The following SBF2 variants were observed in gnomAD, a reference collection of about 807,000 sequenced individuals.
SBF2 encodes the protein SET binding factor 2.
In SBF2, 112 loss-of-function variants were observed where a neutral mutation model predicts 225.2. The observed-to-expected ratio is 0.50, with a 90% confidence interval of 0.43 to 0.58. SBF2 has a LOEUF of 0.58. Ranked by LOEUF, SBF2 falls within the 20% of genes least tolerant of loss-of-function variation. The pLI, the probability that SBF2 is intolerant of heterozygous loss-of-function variation, is 0.00. For missense variants in SBF2, 1,996 were observed against 2,206.2 expected, an observed-to-expected ratio of 0.90 and a Z score of 1.91; for synonymous variants, 763 against 773.3, an observed-to-expected ratio of 0.99 and a Z score of 0.22.
At position 10,029,786 on chromosome 11, in the gene SBF2, G is replaced by A; in HGVS notation, c.492C>T (p.Val164=). ...TTACCTGAGACCCTCCAGCCGCTGG[G>A]ACAAGGCAGGCACAAAGGTTTGCAA... ...SLIANLCACL[V]PAAGGSQKLF... Residue 164 remains valine (V), a synonymous_variant, in exon 5 of 40, where the codon GTC becomes GTT. Transcript: ENST00000256190. 1 of 1,613,074 alleles carries A rather than the reference G, an allele frequency of 6.2e-7. No individual in the cohort carries two copies. Among genetic ancestry groups the A allele is most frequent in the South Asian group, 1.1e-5 (1 of 91,064 alleles).
At chr11:9,845,819 A>G (rs541568881) in intron 23 of SBF2, 79 bp from the exon 24 acceptor site, 4 of 1,350,166 alleles carry the variant, frequency 3.0e-6, no homozygotes, top group Non-Finnish European at 4.3e-6. Flanking sequence ...AGAATATAAT[A>G]ACACAAAATG....
At chr11:10,170,869 C>A (rs1422919533) in intron 2 of SBF2, among the ~76,000 whole-genome samples, 1 of 151,550 alleles carries the variant, frequency 6.6e-6, no homozygotes, top group Non-Finnish European at 1.5e-5. Context: ...TCTTTCACTT[C>A]TTTGGTTAAT....
chr11:9,946,753 G>A (rs61876974), intron 16 of SBF2, among the ~76,000 whole-genome samples: 17,190 of 152,126 alleles, frequency 0.11, 1,097 homozygotes, highest in Non-Finnish European at 0.13. Flanking sequence ...CCTGGCCTAT[G>A]TTTCTATTAA....
chr11:9,955,851 G>A (rs1427709739), intron 16 of SBF2, among the ~76,000 whole-genome samples: 1 of 144,470 alleles, frequency 6.9e-6, no homozygotes, highest in African/African-American at 2.5e-5. Context: ...TAAATATTTT[G>A]TTTCTTATTA....
At chr11:9,838,360 A>G (rs1450384088) in intron 26 of SBF2, 1 of 152,208 alleles carries the variant, frequency 6.6e-6, no homozygotes, top group Non-Finnish European at 1.5e-5. Context: ...TTGGAATGAT[A>G]AATGAGTCTG....
chr11:9,962,332 T>C (rs553621489), intron 15 of SBF2, among the ~76,000 whole-genome samples: 41 of 152,358 alleles, frequency 2.7e-4, no homozygotes, highest in African/African-American at 9.6e-4. Flanking sequence ...AATTATGTGA[T>C]AAATTGAAAA....
At chr11:9,792,939 G>T (rs867928809) in intron 33 of SBF2, among the ~76,000 whole-genome samples, 55 of 121,198 alleles carry the variant, frequency 4.5e-4, no homozygotes, top group South Asian at 8.0e-4. Flanking sequence ...GTGTGTGTGT[G>T]TTTTTTTTTT....
At chr11:9,999,279 CTGTATGTATGTATGTATGTATGTA>C (rs3073236) in intron 8 of SBF2, among the ~76,000 whole-genome samples, 6 of 146,754 alleles carry the variant, frequency 4.1e-5, no homozygotes, top group South Asian at 2.2e-4. Flanking sequence ...CCTCCAGTGA[CTGTATGTATGTATGTATGTATGTA>C]TGTATGTATG....
At chr11:10,243,481 A>C (rs1959437221) in intron 1 of SBF2, among the ~76,000 whole-genome samples, 1 of 151,918 alleles carries the variant, frequency 6.6e-6, no homozygotes, top group Non-Finnish European at 1.5e-5. Flanking sequence ...TAGAGTCAAA[A>C]TAAATGAGAA....
At chr11:9,963,729 G>A (rs1866729412) in intron 15 of SBF2, 44 bp downstream of exon 15, 3 of 948,188 alleles carry the variant, frequency 3.2e-6, no homozygotes, top group Non-Finnish European at 5.1e-6. Context: ...AAATCTGAAA[G>A]GGAAATGATA....
At chr11:10,223,417 A>ATATAT (rs1555082937) in intron 1 of SBF2, among the ~76,000 whole-genome samples, 1 of 88,462 alleles carries the variant, frequency 1.1e-5, no homozygotes, top group African/African-American at 3.4e-5. Flanking sequence ...ATATATATAT[A>ATATAT]TATATATATA....
intron 2 of SBF2, among the ~76,000 whole-genome samples, chr11:10,187,306 T>C (rs1956966130): frequency 6.7e-6 from 1 of 148,756 alleles, no homozygotes; most frequent in African/African-American, 2.5e-5. Flanking sequence ...CCTTTTTCTC[T>C]CCTCTCTCTC....
intron 2 of SBF2, among the ~76,000 whole-genome samples, chr11:10,102,459 A>T (rs2134974202): frequency 6.6e-6 from 1 of 152,364 alleles, no homozygotes. Context: ...GTTGCAAGGT[A>T]TAGAAGGAAA....
intron 1 of SBF2, among the ~76,000 whole-genome samples, chr11:10,240,797 AAC>A (rs1959198343): frequency 6.6e-6 from 1 of 152,132 alleles, no homozygotes; most frequent in Non-Finnish European, 1.5e-5. Flanking sequence ...TCATTTGAAA[AAC>A]ACTTATTATT....
At chr11:10,189,687 T>C (rs1228153994) in intron 2 of SBF2, among the ~76,000 whole-genome samples, 1 of 152,204 alleles carries the variant, frequency 6.6e-6, no homozygotes, top group Non-Finnish European at 1.5e-5. Context: ...TCTAACTGAA[T>C]GCTTCTCTTT....
chr11:10,226,590 T>G (rs1591258874), intron 1 of SBF2, among the ~76,000 whole-genome samples: 1 of 152,236 alleles, frequency 6.6e-6, no homozygotes, highest in Admixed American at 6.5e-5. Flanking sequence ...TTTGGTTTTT[T>G]GTCCTTGTGA....
intron 7 of SBF2, among the ~76,000 whole-genome samples, chr11:10,001,466 AAG>A (rs1007677901): frequency 2.8e-5 from 4 of 141,674 alleles, no homozygotes; most frequent in South Asian, 2.3e-4. Context: ...TGGCAAAAAA[AAG>A]GGGGGGGCCA....
intron 24 of SBF2, 36 bp from the exon 25 acceptor site, chr11:9,842,806 A>C: frequency 6.2e-7 from 1 of 1,608,620 alleles, no homozygotes; most frequent in Non-Finnish European, 8.5e-7. Context: ...TGTCAACTTA[A>C]TATAAAAGCA....
chr11:10,084,811 T>G (rs1231555293), intron 2 of SBF2, among the ~76,000 whole-genome samples: 1 of 152,214 alleles, frequency 6.6e-6, no homozygotes, highest in African/African-American at 2.4e-5. Context: ...GGCTGTTATC[T>G]TAAGTGAAAT....
Sources: allele counts gnomAD v4.1 joint callset (sites outside exome capture counted in the v4.1 genomes callset), GRCh38; gene constraint gnomAD v4.1.1; transcripts MANE v1.5; gene names NCBI Gene and HGNC (gene_info 2026-07-23, HGNC 2026-07-21).